RNF24: variants seen among roughly 807,000 people sequenced by gnomAD.
RNF24 encodes ring finger protein 24.
Under a neutral mutation model 20.0 loss-of-function variants are expected in RNF24, and 14 were observed. That is an observed-to-expected ratio of 0.70 (90% CI 0.46 to 1.10). The LOEUF is 1.10. Among genes scored for constraint, RNF24 ranks in the 50% least tolerant of loss-of-function variants. RNF24 has a pLI of 0.00. For missense variants in RNF24, 124 were observed against 177.6 expected (o/e 0.70, Z 1.71); for synonymous variants, 45 against 61.1 (o/e 0.74, Z 1.23).
intron 2 of RNF24, among the ~76,000 whole-genome samples, chr20:3,954,984 T>C (rs915478118): frequency 1.3e-5 from 2 of 152,204 alleles, no homozygotes; most frequent in Non-Finnish European, 2.9e-5. Flanking sequence ...ACCAGCAATA[T>C]ATGCAAGTTC....
intron 1 of RNF24, among the ~76,000 whole-genome samples, chr20:4,011,099 C>T (rs1982426395): frequency 6.6e-6 from 1 of 152,076 alleles, no homozygotes; most frequent in Non-Finnish European, 1.5e-5. Flanking sequence ...ATGTCAGGAA[C>T]ACCAGGGATA....
rs2090843159 is a variant in RNF24 at position 3,933,051 on chromosome 20, G to C, written c.*1012C>G. On this transcript the variant is annotated 3_prime_UTR_variant, in exon 6 of 6. Transcript: ENST00000358395. ...CTTATTTGGGATAAAGTGTTAAAAA[G>C]TGAATGACAGGCTTTTTTTTTTTTT... The C allele has an allele frequency of 2.9e-6, 1 of 344,966 alleles. No individual in the cohort carries two copies. The highest frequency in any genetic ancestry group is 4.2e-5 in the East Asian group (1 of 23,752). The allele number at this position is 344,966 out of a possible 1,614,324, so 21.4% of individuals were successfully genotyped here.
chr20:3,991,526 A>G (rs1396504657), intron 1 of RNF24, among the ~76,000 whole-genome samples: 1 of 152,208 alleles, frequency 6.6e-6, no homozygotes, highest in Non-Finnish European at 1.5e-5. Flanking sequence ...TACAGGGATT[A>G]CAGGCGTGAG....
intron 1 of RNF24, among the ~76,000 whole-genome samples, chr20:3,966,507 T>TGTGTGTGTGTGTGTGTGTG (rs60638000): frequency 7.2e-4 from 105 of 145,408 alleles, no homozygotes; most frequent in South Asian, 1.1e-3. Flanking sequence ...TGTGTGTGTG[T>TGTGTGTGTGTGTGTGTGTG]TTGGGGAAAG....
intron 1 of RNF24, among the ~76,000 whole-genome samples, chr20:3,972,692 G>A (rs1208611769): frequency 6.6e-6 from 1 of 152,150 alleles, no homozygotes; most frequent in Non-Finnish European, 1.5e-5. Context: ...CCTGAGGTCA[G>A]GAGTTCAAGA....
chr20:3,948,164 G>A, intron 3 of RNF24, 73 bp downstream of exon 3: 1 of 1,056,418 alleles, frequency 9.5e-7, no homozygotes, highest in Non-Finnish European at 1.4e-6. Context: ...TTTAACGTAT[G>A]AGTGGAAATC....
intron 1 of RNF24, among the ~76,000 whole-genome samples, chr20:3,966,133 C>CAAAAAAAAA (rs574975352): frequency 6.1e-5 from 5 of 81,476 alleles, no homozygotes; most frequent in Non-Finnish European, 8.9e-5. Context: ...GATTCCATCT[C>CAAAAAAAAA]AAAAAAAAAA....
At chr20:3,993,403 T>A (rs1980612864) in intron 1 of RNF24, among the ~76,000 whole-genome samples, 1 of 152,138 alleles carries the variant, frequency 6.6e-6, no homozygotes. Flanking sequence ...TTTTCCTGCC[T>A]CAGCCTCCCG....
intron 2 of RNF24, among the ~76,000 whole-genome samples, chr20:3,960,732 T>C (rs996809873): frequency 6.6e-6 from 1 of 152,210 alleles, no homozygotes; most frequent in Non-Finnish European, 1.5e-5. Flanking sequence ...TTAGAAATGT[T>C]TGAACATTTC....
At chr20:3,973,186 C>G (rs532738218) in intron 1 of RNF24, among the ~76,000 whole-genome samples, 33 of 151,534 alleles carry the variant, frequency 2.2e-4, no homozygotes, top group African/African-American at 7.0e-4. Flanking sequence ...CTGGGTGACA[C>G]ACGCGAAACG....
At chr20:3,949,979 G>A (rs2091063583) in intron 2 of RNF24, among the ~76,000 whole-genome samples, 1 of 73,608 alleles carries the variant, frequency 1.4e-5, no homozygotes, top group African/African-American at 8.2e-5. Context: ...CTGTGAGGTA[G>A]CTTTTTATCC....
In RNF24 at chr20:3,947,614, TG is replaced by T. The variant is rs201407866; in HGVS notation, c.186+622del. 8.6e-3 allele frequency among the ~76,000 whole-genome samples: 1,313 copies of T among 152,324 alleles called. 26 individuals are homozygous for T. Among genetic ancestry groups the T allele is most frequent in the African/African-American group, 0.03 (1,257 of 41,576 alleles). On this transcript the variant is annotated intron_variant, in intron 3 of 5. Transcript: ENST00000358395. The stretch of plus-strand genomic sequence containing the variant: ...AGAAGGAAGGAAAAATTTCACTTAA[TG>T]GTATCTCAGAACTCCATTAAGTCGA...
Position 3,948,279 on chromosome 20 carries a change from C to G in RNF24, c.144G>C (p.Arg48Ser). Reference sequence around the variant, plus strand: ...ATTCTTTGTGTGCTTGATGTCTTAGCCTAAAAGACAGAAATTAGTAATGCA... The same window carrying G: ...ATTCTTTGTGTGCTTGATGTCTTAGGCTAAAAGACAGAAATTAGTAATGCA... Reference protein sequence around the residue: ...LSLLFCCYLIRLRHQAHKEFY... With the variant: ...LSLLFCCYLISLRHQAHKEFY... The change falls in exon 3 of 6, where the codon AGG becomes AGC. Residue 48 changes from arginine to serine, a missense_variant and splice_region_variant. By Grantham distance (110) the Arg-to-Ser change is moderately radical. Coordinates refer to ENST00000358395, the MANE Select transcript of RNF24 (RefSeq NM_001134337.3). 6.4e-7 allele frequency: 1 copy of G among 1,574,192 alleles called. No homozygotes were observed. The highest frequency in any genetic ancestry group is 1.2e-5 in the South Asian group (1 of 84,360).
chr20:3,958,110 C>T (rs73086525), intron 2 of RNF24, among the ~76,000 whole-genome samples: 2,219 of 152,310 alleles, frequency 0.015, 37 homozygotes, highest in Non-Finnish European at 0.021. Flanking sequence ...TCACTCCCAG[C>T]TCCACATGGC....
chr20:3,944,637 T>C (rs2090995952), intron 4 of RNF24, among the ~76,000 whole-genome samples: 1 of 152,228 alleles, frequency 6.6e-6, no homozygotes, highest in African/African-American at 2.4e-5. Flanking sequence ...TCTTAATGTA[T>C]ACAGCAGGAT....
rs530465919 is a variant in RNF24 at position 3,957,797 on chromosome 20, A to G, written c.143+6078T>C. 2.0e-5 allele frequency among the ~76,000 whole-genome samples: 3 copies of G among 152,332 alleles called. No homozygotes were observed. In the East Asian group the frequency reaches 5.8e-4, roughly 29 times the overall value. On this transcript the variant is annotated intron_variant, in intron 2 of 5. Transcript: ENST00000358395. Reference sequence around the variant, plus strand: ...GCACTATTTTATTTTGCACTGCTAAATAGATATCTAAAAAGTATTTAAGAA... The same window carrying G: ...GCACTATTTTATTTTGCACTGCTAAGTAGATATCTAAAAAGTATTTAAGAA...
Position 3,966,133 on chromosome 20 carries a change from CAAAAAAAAAAAAAAAA to C in RNF24, c.-7-2125_-7-2110del, listed in dbSNP as rs574975352. ...TGGGTGACAGAGCGAGATTCCATCT[CAAAAAAAAAAAAAAAA>C]AAAAAAAAAAGAAGAAAATAAGAGA... is the stretch of plus-strand genomic sequence containing the variant. On this transcript the variant is annotated intron_variant, in intron 1 of 5. Transcript: ENST00000358395. Among the ~76,000 whole-genome samples, 226 of 81,486 alleles carry C rather than the reference CAAAAAAAAAAAAAAAA, an allele frequency of 2.8e-3. 1 individual carries two copies. The highest frequency in any genetic ancestry group is 1.0e-2 in the African/African-American group (198 of 19,864). The allele number at this position is 81,486 out of a possible 152,430, so 53.5% of individuals were successfully genotyped here.
At chr20:3,956,745 A>C (rs1338419817) in intron 2 of RNF24, among the ~76,000 whole-genome samples, 1 of 152,188 alleles carries the variant, frequency 6.6e-6, no homozygotes, top group Non-Finnish European at 1.5e-5. Flanking sequence ...TAGCTTTCTC[A>C]TAAGTTTATT....
chr20:3,987,457 C>T (rs6076578), intron 1 of RNF24, among the ~76,000 whole-genome samples: 9 of 152,134 alleles, frequency 5.9e-5, no homozygotes, highest in African/African-American at 2.2e-4. Flanking sequence ...ACAGCAATAC[C>T]TCATTTTGGC....
Sources: allele counts gnomAD v4.1 joint callset (sites outside exome capture counted in the v4.1 genomes callset), GRCh38; gene constraint gnomAD v4.1.1; transcripts MANE v1.5; gene names NCBI Gene and HGNC (gene_info 2026-07-23, HGNC 2026-07-21).